Variants in REELD1 observed in about 807,000 individuals in gnomAD.
The protein encoded by REELD1 is reeler domain containing 1, also known as reelin domain-containing protein 1.
REELD1 carries 12 observed loss-of-function variants against 6.3 expected under a neutral mutation model. The observed-to-expected ratio is 1.89, with a 90% CI of 1.21 to 3.07. REELD1 has a LOEUF of 3.07. REELD1 is among the 30% of genes most tolerant of loss of function. The probability of loss-of-function intolerance (pLI) is 0.00; values close to 1 mark genes in which losing one functional copy is unlikely to be tolerated. For missense variants in REELD1, 163 were observed against 86.8 expected (o/e 1.88, Z -3.49); for synonymous variants, 57 against 33.6 (o/e 1.70, Z -2.42).
intron 5 of REELD1, among the ~76,000 whole-genome samples, chr4:146,226,664 C>G (rs538640246): frequency 1.3e-5 from 2 of 152,180 alleles, no homozygotes; most frequent in Admixed American, 6.5e-5. Context: ...AACCCCACCT[C>G]TTTACACTAT....
chr4:146,223,127 G>C (rs533441891), intron 4 of REELD1, among the ~76,000 whole-genome samples: 1 of 152,332 alleles, frequency 6.6e-6, no homozygotes, highest in South Asian at 2.1e-4. Context: ...TCAAAATGAG[G>C]TACTTGTTTT....
chr4:146,223,919 A>G (rs1327549301), intron 4 of REELD1, among the ~76,000 whole-genome samples: 1 of 152,240 alleles, frequency 6.6e-6, no homozygotes, highest in Non-Finnish European at 1.5e-5. Context: ...TGGAAGAACA[A>G]ATGGCATAAT....
rs373773695 is a variant in REELD1, at chr4:146,231,963, G to A, written c.*1450G>A. The A allele has an allele frequency of 1.2e-4, 19 of 152,154 alleles. No homozygotes were observed. The highest frequency in any genetic ancestry group is 4.6e-4 in the African/African-American group (19 of 41,422). The allele number at this position is 152,154 out of a possible 1,614,324, so 9.4% of individuals were successfully genotyped here. On this transcript the variant is annotated 3_prime_UTR_variant, in exon 8 of 8. Coordinates refer to ENST00000623665, the MANE Select transcript of REELD1 (RefSeq NM_001354631.1). ...AATTTGTGCATTCACAAATGAAAGTGTTCTAGGAATACTGTGGAAAGAAAC... is the reference window on the plus strand; with the variant it reads ...AATTTGTGCATTCACAAATGAAAGTATTCTAGGAATACTGTGGAAAGAAAC...
At chr4:146,217,481 T>G (rs889548070) in intron 3 of REELD1, among the ~76,000 whole-genome samples, 1 of 152,140 alleles carries the variant, frequency 6.6e-6, no homozygotes, top group East Asian at 1.9e-4. Context: ...TGGGCTCAAG[T>G]GAACCTCCTG....
At chr4:146,217,372 A>G (rs1730845732) in intron 3 of REELD1, among the ~76,000 whole-genome samples, 1 of 152,094 alleles carries the variant, frequency 6.6e-6, no homozygotes, top group African/African-American at 2.4e-5. Context: ...GCTCCCAAGA[A>G]GCTGGGACTA....
intron 1 of REELD1, 44 bp from the exon 2 acceptor site, chr4:146,215,032 G>T (rs1033493994): frequency 6.6e-6 from 1 of 152,478 alleles, no homozygotes; most frequent in South Asian, 2.1e-4. Context: ...CATCAGCAAG[G>T]ACTTGAGGAG....
intron 5 of REELD1, among the ~76,000 whole-genome samples, chr4:146,227,137 A>T (rs1731038884): frequency 6.6e-6 from 1 of 152,196 alleles, no homozygotes; most frequent in Non-Finnish European, 1.5e-5. Flanking sequence ...GACACCAATT[A>T]CAAGTCTGCA....
At position 146,230,745 on chromosome 4, in the gene REELD1, A is replaced by G. The variant is rs913943802; in HGVS notation, c.*232A>G. On this transcript the variant is annotated 3_prime_UTR_variant, in exon 8 of 8. Coordinates refer to ENST00000623665, the MANE Select transcript of REELD1 (RefSeq NM_001354631.1). ...GGCTTCCTTCTTTCTTTTTGCAATT[A>G]GACGTTCTGTTTGAAGACTTAAACT... 2 of 346,922 alleles carry G rather than the reference A, an allele frequency of 5.8e-6. No individual in the cohort carries two copies. Among genetic ancestry groups the G allele is most frequent in the South Asian group, 3.0e-4 (2 of 6,600 alleles). 21.5% of individuals were successfully genotyped at this position (346,922 alleles called of 1,614,324 possible).
chr4:146,230,654 G>A lies in REELD1; in HGVS notation c.*141G>A. ...AATGTGCAGTTAGTGGAGGAACCCGGGAGAGGACACTTTCATCAACAGAGG... is the reference window on the plus strand; with the variant it reads ...AATGTGCAGTTAGTGGAGGAACCCGAGAGAGGACACTTTCATCAACAGAGG... On this transcript the variant is annotated 3_prime_UTR_variant, in exon 8 of 8. Transcript: ENST00000623665. 1 of 396,516 alleles carries A rather than the reference G, an allele frequency of 2.5e-6. No individual in the cohort carries two copies. The allele number at this position is 396,516 out of a possible 1,614,324, so 24.6% of individuals were successfully genotyped here. A position where few individuals can be genotyped will look rare whatever the true frequency, so the allele number is the denominator to read the frequency against.
rs1015369157 is a variant in REELD1 at position 146,232,152 on chromosome 4, A to T, written c.*1639A>T. ...GCACCATGTATGCAAACTTTTTTAG[A>T]TCTTTTCTGTCTAAGAGAGAATTTT... On this transcript the variant is annotated 3_prime_UTR_variant, in exon 8 of 8. Transcript: ENST00000623665. 1 of 152,196 alleles carries T rather than the reference A, an allele frequency of 6.6e-6. No individual in the cohort carries two copies. The highest frequency in any genetic ancestry group is 6.5e-5 in the Admixed American group (1 of 15,270). 9.4% of individuals were successfully genotyped at this position (152,196 alleles called of 1,614,324 possible).
At chr4:146,217,934 TTTAAA>T (rs1443448665) in intron 3 of REELD1, among the ~76,000 whole-genome samples, 2 of 152,238 alleles carry the variant, frequency 1.3e-5, no homozygotes, top group Non-Finnish European at 2.9e-5. Context: ...TTTGACATTT[TTTAAA>T]TTAAAATATT....
At chr4:146,220,427 G>C (rs973365510) in intron 3 of REELD1, among the ~76,000 whole-genome samples, 15 of 152,128 alleles carry the variant, frequency 9.9e-5, no homozygotes, top group Middle Eastern at 3.2e-3. Flanking sequence ...TTAGTTCCAA[G>C]TATCAGAAAA....
At chr4:146,218,681 A>C (rs1280020532) in intron 3 of REELD1, among the ~76,000 whole-genome samples, 1 of 152,184 alleles carries the variant, frequency 6.6e-6, no homozygotes, top group Non-Finnish European at 1.5e-5. Flanking sequence ...TGACACAGAA[A>C]GTGAGTCTGT....
chr4:146,226,629 C>G (rs978218120), intron 5 of REELD1, among the ~76,000 whole-genome samples: 25 of 152,268 alleles, frequency 1.6e-4, no homozygotes, highest in Admixed American at 5.2e-4. Flanking sequence ...AGGGCTCCAC[C>G]CTCATGACTT....
intron 5 of REELD1, among the ~76,000 whole-genome samples, chr4:146,226,044 C>T (rs902208905): frequency 6.6e-6 from 1 of 152,096 alleles, no homozygotes; most frequent in Non-Finnish European, 1.5e-5. Flanking sequence ...TGTCTTTGTA[C>T]AGTTAAGAAA....
In REELD1 at chr4:146,230,721, G is replaced by A. The variant is rs1731116157; in HGVS notation, c.*208G>A. On this transcript the variant is annotated 3_prime_UTR_variant, in exon 8 of 8. Coordinates refer to ENST00000623665, the MANE Select transcript of REELD1 (RefSeq NM_001354631.1). ...TTGTTGTCTTAACATCTGTAATTGGGCTTCCTTCTTTCTTTTTGCAATTAG... is the reference window on the plus strand; with the variant it reads ...TTGTTGTCTTAACATCTGTAATTGGACTTCCTTCTTTCTTTTTGCAATTAG... The A allele has an allele frequency of 1.1e-5, 4 of 376,116 alleles. No individual in the cohort carries two copies. In the East Asian group the frequency reaches 1.5e-4, roughly 14 times the overall value. 23.3% of individuals were successfully genotyped at this position (376,116 alleles called of 1,614,324 possible).
chr4:146,216,310 T>C (rs1425243753), intron 2 of REELD1, among the ~76,000 whole-genome samples: 3 of 152,250 alleles, frequency 2.0e-5, no homozygotes, highest in Non-Finnish European at 4.4e-5. Context: ...ATAGAATAAA[T>C]TGAGTATTTC....
At chr4:146,224,975 C>T (rs945461391) in intron 5 of REELD1, among the ~76,000 whole-genome samples, 45 of 152,186 alleles carry the variant, frequency 3.0e-4, no homozygotes, top group South Asian at 4.1e-4. Context: ...CCTGAAGCTA[C>T]GCAGGGAGCA....
At chr4:146,224,351 G>A (rs1351147727) in intron 4 of REELD1, 94 bp from the exon 5 acceptor site, 4 of 485,230 alleles carry the variant, frequency 8.2e-6, no homozygotes, top group Non-Finnish European at 1.5e-5. Flanking sequence ...CTCTTTATCT[G>A]TTAGTGTGTT....
Sources: allele counts gnomAD v4.1 joint callset (sites outside exome capture counted in the v4.1 genomes callset), GRCh38; gene constraint gnomAD v4.1.1; transcripts MANE v1.5; gene names NCBI Gene and HGNC (gene_info 2026-07-23, HGNC 2026-07-21).